Variants in GRIK2 observed in about 807,000 individuals in gnomAD.
GRIK2 encodes the protein glutamate ionotropic receptor kainate type subunit 2.
A neutral mutation model predicts 100.3 loss-of-function variants in GRIK2; 32 were observed. The ratio of observed to expected loss-of-function variants is 0.32; its 90% CI spans 0.24 to 0.43. The LOEUF is 0.43. Ranked by LOEUF, GRIK2 falls within the 20% of genes least tolerant of loss-of-function variation. The pLI is 1.00. For synonymous variants in GRIK2, 417 were observed against 389.4 expected (o/e 1.07, Z -0.83); for missense variants, 843 against 1,114.9 (o/e 0.76, Z 3.47).
intron 14 of GRIK2, among the ~76,000 whole-genome samples, chr6:101,962,252 T>C (rs927724588): frequency 6.6e-6 from 1 of 152,126 alleles, no homozygotes; most frequent in East Asian, 1.9e-4. Flanking sequence ...CCCTCGGTAT[T>C]CCACTCAGGA....
At chr6:102,056,169 C>A (rs772846496) in intron 16 of GRIK2, among the ~76,000 whole-genome samples, 1 of 151,818 alleles carries the variant, frequency 6.6e-6, no homozygotes, top group East Asian at 1.9e-4. Context: ...TTAATCAGTT[C>A]TTTGTTTTTT....
chr6:101,434,509 A>T (rs2128244129), intron 2 of GRIK2, among the ~76,000 whole-genome samples: 1 of 152,276 alleles, frequency 6.6e-6, no homozygotes, highest in Admixed American at 6.5e-5. Flanking sequence ...TTGTTAGAAG[A>T]AGAAGAAAAA....
chr6:101,605,248 G>T (rs1224058296), intron 2 of GRIK2, among the ~76,000 whole-genome samples: 1 of 151,846 alleles, frequency 6.6e-6, no homozygotes, highest in Non-Finnish European at 1.5e-5. Context: ...TAATTTCTCT[G>T]AATGAGATTT....
intron 2 of GRIK2, among the ~76,000 whole-genome samples, chr6:101,408,603 C>T (rs1297863162): frequency 1.3e-5 from 2 of 152,036 alleles, no homozygotes; most frequent in Non-Finnish European, 2.9e-5. Context: ...AAAGAAAACC[C>T]AGGCTTGAAG....
chr6:101,623,688 T>G (rs2128317530), intron 3 of GRIK2, among the ~76,000 whole-genome samples: 1 of 152,234 alleles, frequency 6.6e-6, no homozygotes, highest in African/African-American at 2.4e-5. Context: ...AGTCATGTGG[T>G]TTGACCAAAA....
chr6:101,692,175 T>C (rs1772156926), intron 7 of GRIK2, among the ~76,000 whole-genome samples: 1 of 152,138 alleles, frequency 6.6e-6, no homozygotes. Flanking sequence ...TTTGCTTGTC[T>C]TAATTAATTT....
At chr6:101,699,807 T>C (rs1283891927) in intron 7 of GRIK2, among the ~76,000 whole-genome samples, 1 of 152,048 alleles carries the variant, frequency 6.6e-6, no homozygotes, top group Non-Finnish European at 1.5e-5. Context: ...GACTTTAATC[T>C]ATTTAAAAGA....
At chr6:101,789,747 T>A (rs551495523) in intron 7 of GRIK2, among the ~76,000 whole-genome samples, 2 of 152,310 alleles carry the variant, frequency 1.3e-5, no homozygotes, top group South Asian at 4.1e-4. Context: ...GTGAAGAAAG[T>A]CATTGGTAGA....
At chr6:101,821,353 C>T (rs1583210420) in intron 10 of GRIK2, among the ~76,000 whole-genome samples, 4 of 152,100 alleles carry the variant, frequency 2.6e-5, no homozygotes, top group Non-Finnish European at 4.4e-5. Flanking sequence ...TTAATAAATA[C>T]ACTAATGCCT....
chr6:101,866,081 A>C, intron 11 of GRIK2, among the ~76,000 whole-genome samples: 1 of 152,142 alleles, frequency 6.6e-6, no homozygotes, highest in East Asian at 1.9e-4. Context: ...CTATTAACAT[A>C]TTTGTTAACT....
rs144083984 is a variant in GRIK2 at position 101,639,949 on chromosome 6, C to A, written c.541+13312C>A. On this transcript the variant is annotated intron_variant, in intron 4 of 16. Transcript: ENST00000369134. ...TATCTTGTTACAAACAGAATTCTGA[C>A]TAACAAACCCTAATGAAAATACAAA... Among the ~76,000 whole-genome samples the A allele has an allele frequency of 5.9e-3, 899 of 152,216 alleles. 6 individuals carry two copies. Among genetic ancestry groups the A allele is most frequent in the Non-Finnish European group, 8.0e-3 (543 of 68,004 alleles).
chr6:101,441,247 C>T (rs768260300), intron 2 of GRIK2, among the ~76,000 whole-genome samples: 1 of 152,122 alleles, frequency 6.6e-6, no homozygotes, highest in Non-Finnish European at 1.5e-5. Flanking sequence ...GAGTAGTCTA[C>T]TCTCTGTCCC....
chr6:101,556,974 G>A (rs2022056), intron 2 of GRIK2, among the ~76,000 whole-genome samples: 121,169 of 151,946 alleles, frequency 0.8, 48,638 homozygotes, highest in African/African-American at 0.87. Flanking sequence ...TTTCTATACA[G>A]TACCTAAATT....
chr6:101,921,684 A>AAG (rs2128469321), intron 12 of GRIK2, among the ~76,000 whole-genome samples: 1 of 152,200 alleles, frequency 6.6e-6, no homozygotes, highest in East Asian at 1.9e-4. Flanking sequence ...GCCAGTGAGT[A>AAG]AGAGTGTGTG....
intron 16 of GRIK2, among the ~76,000 whole-genome samples, chr6:102,061,724 C>T (rs183368661): frequency 4.7e-5 from 7 of 150,356 alleles, no homozygotes; most frequent in Admixed American, 1.3e-4. Context: ...TCCATAAAAA[C>T]GGTGTTTTAA....
intron 2 of GRIK2, among the ~76,000 whole-genome samples, chr6:101,465,021 T>C (rs1771567820): frequency 6.6e-6 from 1 of 152,164 alleles, no homozygotes; most frequent in Admixed American, 6.5e-5. Flanking sequence ...CCTTTAATAG[T>C]TCCAAAAAAT....
chr6:101,405,164 G>C (rs867813789), intron 2 of GRIK2, among the ~76,000 whole-genome samples: 1 of 152,086 alleles, frequency 6.6e-6, no homozygotes, highest in Non-Finnish European at 1.5e-5. Context: ...AGGCAGATTA[G>C]CACTATATAG....
At chr6:101,670,123 G>T (rs1770319974) in intron 4 of GRIK2, among the ~76,000 whole-genome samples, 1 of 151,936 alleles carries the variant, frequency 6.6e-6, no homozygotes, top group Non-Finnish European at 1.5e-5. Flanking sequence ...AAGCATTATA[G>T]AAACTGCTTT....
At chr6:101,430,019 C>T (rs1250973219) in intron 2 of GRIK2, among the ~76,000 whole-genome samples, 3 of 152,124 alleles carry the variant, frequency 2.0e-5, no homozygotes, top group African/African-American at 7.2e-5. Context: ...GGTTCAGGAG[C>T]TCTTGCCAGC....
Sources: allele counts gnomAD v4.1 joint callset (sites outside exome capture counted in the v4.1 genomes callset), GRCh38; gene constraint gnomAD v4.1.1; transcripts MANE v1.5; gene names NCBI Gene and HGNC (gene_info 2026-07-23, HGNC 2026-07-21).